The following PDZD2 variants were observed in gnomAD, a reference collection of about 807,000 sequenced individuals.
PDZD2 encodes the protein PDZ domain containing 2.
Under a neutral mutation model 220.7 loss-of-function variants are expected in PDZD2, and 90 were observed. That is an observed-to-expected ratio of 0.41 (90% CI 0.34 to 0.49). PDZD2 has a LOEUF of 0.49. Ranked by LOEUF, PDZD2 falls within the 20% of genes least tolerant of loss-of-function variation. PDZD2 has a pLI of 0.28. For synonymous variants in PDZD2, 1,375 were observed against 1,450.5 expected, an observed-to-expected ratio of 0.95 and a Z score of 1.18; for missense variants, 3,174 against 3,608.5, an observed-to-expected ratio of 0.88 and a Z score of 3.08.
intron 6 of PDZD2, among the ~76,000 whole-genome samples, chr5:32,032,492 G>C (rs979530042): frequency 6.6e-6 from 1 of 152,142 alleles, no homozygotes; most frequent in Admixed American, 6.5e-5. Context: ...CTGAGCTTTG[G>C]GGGAGTTCTC....
intron 2 of PDZD2, among the ~76,000 whole-genome samples, chr5:31,802,909 G>C (rs1481111121): frequency 2.8e-5 from 3 of 108,774 alleles, no homozygotes; most frequent in African/African-American, 1.2e-4. Context: ...GACAGAGCAA[G>C]ACTCTGTCTC....
At chr5:31,834,022 T>C (rs1249996734) in intron 2 of PDZD2, among the ~76,000 whole-genome samples, 1 of 152,218 alleles carries the variant, frequency 6.6e-6, no homozygotes, top group Non-Finnish European at 1.5e-5. Flanking sequence ...CCACTCTTCC[T>C]CCTCTGATGC....
chr5:31,689,353 A>ATATATATATATATATATATTTTTTTT, intron 1 of PDZD2, among the ~76,000 whole-genome samples: 3 of 35,120 alleles, frequency 8.5e-5, no homozygotes, highest in African/African-American at 6.2e-4. Context: ...ATATATATAT[A>ATATATATATATATATATATTTTTTTT]TTTTTTTTTT....
chr5:32,050,604 G>A (rs1182000987), intron 8 of PDZD2, among the ~76,000 whole-genome samples: 1 of 152,154 alleles, frequency 6.6e-6, no homozygotes, highest in Non-Finnish European at 1.5e-5. Context: ...AGAATTGCCT[G>A]AGCCCAAGTT....
chr5:32,042,466 G>A (rs755519774), intron 7 of PDZD2, among the ~76,000 whole-genome samples: 10 of 151,852 alleles, frequency 6.6e-5, no homozygotes, highest in Non-Finnish European at 8.8e-5. Context: ...CCAGCTACTC[G>A]GGAACCTGAG....
intron 2 of PDZD2, among the ~76,000 whole-genome samples, chr5:31,961,969 C>G (rs1748280281): frequency 6.6e-6 from 1 of 152,166 alleles, no homozygotes; most frequent in Non-Finnish European, 1.5e-5. Flanking sequence ...CACCCTGGCT[C>G]CAGGTAGAGA....
intron 2 of PDZD2, among the ~76,000 whole-genome samples, chr5:31,974,160 T>C (rs904437519): frequency 2.0e-5 from 3 of 152,118 alleles, no homozygotes; most frequent in African/African-American, 4.8e-5. Flanking sequence ...TTTGTATTTT[T>C]AGTAGAGATG....
intron 14 of PDZD2, among the ~76,000 whole-genome samples, chr5:32,064,683 T>G (rs917778467): frequency 3.9e-5 from 6 of 152,202 alleles, no homozygotes; most frequent in Admixed American, 2.0e-4. Flanking sequence ...AAATGTTCAC[T>G]AAGGGCGGGT....
intron 2 of PDZD2, among the ~76,000 whole-genome samples, chr5:31,896,601 A>C (rs1741591943): frequency 6.6e-6 from 1 of 152,200 alleles, no homozygotes; most frequent in Non-Finnish European, 1.5e-5. Context: ...CTGTTTCTCA[A>C]ACAAGGGTTT....
chr5:31,953,945 G>T (rs1747418682), intron 2 of PDZD2, among the ~76,000 whole-genome samples: 1 of 151,984 alleles, frequency 6.6e-6, no homozygotes, highest in African/African-American at 2.4e-5. Flanking sequence ...CATCGCACCT[G>T]GCTAAAAAAA....
intron 2 of PDZD2, among the ~76,000 whole-genome samples, chr5:31,979,441 A>G (rs1404364802): frequency 6.6e-6 from 1 of 152,062 alleles, no homozygotes; most frequent in Non-Finnish European, 1.5e-5. Flanking sequence ...TTAGCCGGGC[A>G]TGGTGGTGGG....
chr5:31,866,805 C>T (rs1302838570), intron 2 of PDZD2, among the ~76,000 whole-genome samples: 2 of 152,170 alleles, frequency 1.3e-5, no homozygotes, highest in Admixed American at 6.5e-5. Context: ...TCAGTTCATT[C>T]GTGCAGTAAG....
At chr5:31,665,539 G>A (rs1561371470) in intron 1 of PDZD2, among the ~76,000 whole-genome samples, 1 of 152,066 alleles carries the variant, frequency 6.6e-6, no homozygotes, top group South Asian at 2.1e-4. Flanking sequence ...AGGTACCTGG[G>A]GGCAGGTGAT....
At position 31,780,788 on chromosome 5, in the gene PDZD2, C is replaced by T. The variant is rs576399539; in HGVS notation, c.-360-18101C>T. 1.1e-3 allele frequency among the ~76,000 whole-genome samples: 174 copies of T among 152,242 alleles called. 7 individuals carry two copies. In the South Asian group the frequency reaches 0.034, roughly 30 times the overall value. On this transcript the variant is annotated intron_variant, in intron 1 of 24. Transcript: ENST00000438447. ...TCCTCAGGGTCCCAATCTCATTTTC[C>T]CTCTCACTCTGTGATCCCCAGGATT...
At chr5:32,081,758 G>C (rs1406432618) in intron 19 of PDZD2, among the ~76,000 whole-genome samples, 1 of 152,210 alleles carries the variant, frequency 6.6e-6, no homozygotes, top group Non-Finnish European at 1.5e-5. Flanking sequence ...GTCTTGCTCT[G>C]TTGCCCAGGC....
intron 2 of PDZD2, among the ~76,000 whole-genome samples, chr5:31,914,722 A>G (rs1346677900): frequency 6.6e-6 from 1 of 152,238 alleles, no homozygotes; most frequent in Non-Finnish European, 1.5e-5. Context: ...AAACGGAGAC[A>G]ATAATTCAGT....
chr5:32,090,219 T>C lies in PDZD2; in HGVS notation c.6771T>C (p.Val2257=). 6.2e-7 allele frequency: 1 copy of C among 1,614,142 alleles called. No homozygotes were observed. Among genetic ancestry groups the C allele is most frequent in the Non-Finnish European group, 8.5e-7 (1 of 1,180,008 alleles). ...GCCAGGTCCCTGTGACAAGCAGTGTTGTCCCCGAGGCAAAGGCATCCAGAG... is the reference window on the plus strand; with the variant it reads ...GCCAGGTCCCTGTGACAAGCAGTGTCGTCCCCGAGGCAAAGGCATCCAGAG... ...RDSQVPVTSS[V]VPEAKASRGG... is the part of the protein sequence containing the mutation. Residue 2257 remains valine (V), a synonymous_variant, in exon 20 of 25, where the codon GTT becomes GTC. Coordinates refer to ENST00000438447, the MANE Select transcript of PDZD2 (RefSeq NM_178140.4). The surrounding 1 kb of genome is among the most constrained non-coding windows in gnomAD (Gnocchi z 4.3).
intron 2 of PDZD2, among the ~76,000 whole-genome samples, chr5:31,832,951 G>T (rs1756709867): frequency 6.6e-6 from 1 of 152,196 alleles, no homozygotes; most frequent in Non-Finnish European, 1.5e-5. Flanking sequence ...ACACATTGGT[G>T]TCTTTAAGGA....
At chr5:32,028,631 G>C (rs927142013) in intron 6 of PDZD2, among the ~76,000 whole-genome samples, 1 of 148,334 alleles carries the variant, frequency 6.7e-6, no homozygotes, top group African/African-American at 2.5e-5. Context: ...GGCCTCCTTT[G>C]ATCTCTCCTA....
Sources: allele counts gnomAD v4.1 joint callset (sites outside exome capture counted in the v4.1 genomes callset), GRCh38; gene constraint gnomAD v4.1.1; non-coding constraint Gnocchi (gnomAD v3.1); transcripts MANE v1.5; gene names NCBI Gene and HGNC (gene_info 2026-07-23, HGNC 2026-07-21).